The following DIP2C variants were observed in gnomAD, a reference collection of about 807,000 sequenced individuals.
The protein encoded by DIP2C is disco-interacting protein 2 homolog C.
In DIP2C, 33 loss-of-function variants were observed where a neutral mutation model predicts 192.4. The observed-to-expected ratio is 0.17, with a 90% confidence interval of 0.13 to 0.23. The LOEUF (loss-of-function observed/expected upper bound fraction) is 0.23. Among genes scored for constraint, DIP2C ranks in the 10% least tolerant of loss-of-function variants. The probability of loss-of-function intolerance (pLI) is 1.00; values close to 1 mark genes in which losing one functional copy is unlikely to be tolerated. For missense variants in DIP2C, 1,537 were observed against 2,110.1 expected, an observed-to-expected ratio of 0.73 and a Z score of 5.32; for synonymous variants, 979 against 864.1, an observed-to-expected ratio of 1.13 and a Z score of -2.33.
At position 327,207 on chromosome 10, in the gene DIP2C, C is replaced by G. The variant is rs756695306; in HGVS notation, c.3754-31G>C. 62 of 1,602,350 alleles carry G rather than the reference C, an allele frequency of 3.9e-5. 2 individuals carry two copies. The South Asian group carries it at 6.5e-4, about 17-fold the overall frequency. ...GATGATGACAGAGAAACCGAGTCAG[C>G]CCCCACGTGTCGAGCTTGGAGTGAG... On this transcript the variant is annotated intron_variant, in intron 30 of 36. Coordinates refer to ENST00000280886, the MANE Select transcript of DIP2C (RefSeq NM_014974.3).
chr10:537,011 C>T (rs1195238717), intron 1 of DIP2C, among the ~76,000 whole-genome samples: 1 of 152,244 alleles, frequency 6.6e-6, no homozygotes, highest in Non-Finnish European at 1.5e-5. Flanking sequence ...AGTCATGAGG[C>T]TGGCTGTGTC....
At chr10:362,131 T>C (rs115392795) in intron 22 of DIP2C, among the ~76,000 whole-genome samples, 2,235 of 151,156 alleles carry the variant, frequency 0.015, 45 homozygotes, top group African/African-American at 0.051. Flanking sequence ...AAATTAGAAG[T>C]AGGTCAGAAA....
rs74726390 is a variant in DIP2C at position 573,908 on chromosome 10, A to G, written c.86-87378T>C. On this transcript the variant is annotated intron_variant, in intron 1 of 36. Coordinates refer to ENST00000280886, the MANE Select transcript of DIP2C (RefSeq NM_014974.3). ...TCTTCAAGTTCTATAAAGTGGTACC[A>G]TGGACACACCACCACATCACAGACT... 4.6e-3 allele frequency among the ~76,000 whole-genome samples: 700 copies of G among 152,324 alleles called. 10 individuals are homozygous for G. Among genetic ancestry groups the G allele is most frequent in the African/African-American group, 0.015 (637 of 41,558 alleles).
chr10:579,131 G>A (rs1285024716), intron 1 of DIP2C, among the ~76,000 whole-genome samples: 3 of 150,758 alleles, frequency 2.0e-5, no homozygotes, highest in Admixed American at 1.3e-4. Flanking sequence ...ACACTAACAT[G>A]TGTACATGCG....
At chr10:362,116 GA>G (rs1959605870) in intron 22 of DIP2C, among the ~76,000 whole-genome samples, 1 of 151,874 alleles carries the variant, frequency 6.6e-6, no homozygotes. Flanking sequence ...TGCAACATAA[GA>G]AAAAAATTAG....
At chr10:532,776 TGA>T (rs1241431660) in intron 1 of DIP2C, among the ~76,000 whole-genome samples, 11 of 148,312 alleles carry the variant, frequency 7.4e-5, no homozygotes, top group African/African-American at 9.9e-5. Context: ...TATGGGTGTG[TGA>T]GAGAGTATGG....
chr10:551,917 C>T (rs1032046588), intron 1 of DIP2C, among the ~76,000 whole-genome samples: 1 of 152,208 alleles, frequency 6.6e-6, no homozygotes, highest in Admixed American at 6.5e-5. Context: ...CGTGGTGTCA[C>T]ACCCAGGACA....
chr10:405,204 G>A (rs1198742901), intron 9 of DIP2C, among the ~76,000 whole-genome samples: 12 of 152,214 alleles, frequency 7.9e-5, no homozygotes, highest in Admixed American at 7.2e-4. Flanking sequence ...ACGGCCAGAC[G>A]GCGATCAGCC....
At chr10:640,579 G>GGGGACGAGGGTGC (rs1564294799) in intron 1 of DIP2C, among the ~76,000 whole-genome samples, 1 of 152,078 alleles carries the variant, frequency 6.6e-6, no homozygotes, top group Non-Finnish European at 1.5e-5. Context: ...AGACGCGACG[G>GGGGACGAGGGTGC]GGGACGAGGG....
chr10:446,498 A>G (rs1968231872), intron 3 of DIP2C, among the ~76,000 whole-genome samples: 1 of 152,162 alleles, frequency 6.6e-6, no homozygotes, highest in Non-Finnish European at 1.5e-5. Flanking sequence ...ATTTCCTAAA[A>G]TTTTCTAAAT....
chr10:477,273 G>A (rs377351148), intron 2 of DIP2C, among the ~76,000 whole-genome samples: 45 of 74,386 alleles, frequency 6.0e-4, no homozygotes, highest in African/African-American at 2.9e-3. Context: ...AGGTAGAGAA[G>A]GAAGGGAAGG....
chr10:358,022 T>C, intron 22 of DIP2C, 85 bp from the exon 23 acceptor site: 1 of 1,004,534 alleles, frequency 1.0e-6, no homozygotes, highest in Non-Finnish European at 1.5e-6. Context: ...AAGACCTTAC[T>C]CTCGGAAAAC....
At chr10:547,866 C>T (rs573187719) in intron 1 of DIP2C, among the ~76,000 whole-genome samples, 1 of 152,292 alleles carries the variant, frequency 6.6e-6, no homozygotes, top group East Asian at 1.9e-4. Flanking sequence ...CATCCATGCC[C>T]ACCATCCCTG....
intron 8 of DIP2C, 66 bp downstream of exon 8, chr10:413,847 T>C: frequency 6.4e-7 from 1 of 1,562,310 alleles, no homozygotes; most frequent in Middle Eastern, 2.0e-4. Context: ...GACACTGAGT[T>C]TCCTGCGTTC....
intron 1 of DIP2C, among the ~76,000 whole-genome samples, chr10:568,070 G>T (rs1588477011): frequency 1.3e-5 from 2 of 152,314 alleles, no homozygotes; most frequent in African/African-American, 4.8e-5. Flanking sequence ...CTGCACTAAT[G>T]CCACAGCTGC....
intron 1 of DIP2C, among the ~76,000 whole-genome samples, chr10:616,063 TCTC>T (rs910462483): frequency 9.8e-4 from 149 of 152,140 alleles, no homozygotes; most frequent in African/African-American, 3.2e-3. Context: ...CTGGGGCAGA[TCTC>T]CTCCTTGAGT....
Position 305,154 on chromosome 10 carries a change from G to A in DIP2C, c.3986+4877C>T, listed in dbSNP as rs189242384. On this transcript the variant is annotated intron_variant, in intron 32 of 36. Coordinates refer to ENST00000280886, the MANE Select transcript of DIP2C (RefSeq NM_014974.3). The stretch of plus-strand genomic sequence containing the variant: ...AACAGCATATATACACAACACACTT[G>A]CACAAACTCATACTCTCATGCATAT... Among the ~76,000 whole-genome samples the A allele has an allele frequency of 7.2e-5, 11 of 152,128 alleles. No homozygotes were observed. In the East Asian group the frequency reaches 2.1e-3, roughly 29 times the overall value.
intron 2 of DIP2C, among the ~76,000 whole-genome samples, chr10:485,646 G>A (rs1588267670): frequency 6.6e-6 from 1 of 152,208 alleles, no homozygotes; most frequent in African/African-American, 2.4e-5. Context: ...AACAGAATCG[G>A]GGTTTGTGCA....
chr10:391,712 G>GCAAGT (rs1364174842), intron 10 of DIP2C, among the ~76,000 whole-genome samples: 1 of 152,218 alleles, frequency 6.6e-6, no homozygotes, highest in African/African-American at 2.4e-5. Context: ...ATTGTAGTGA[G>GCAAGT]CAAGTCACCG....
Sources: gnomAD v4.1 joint callset for allele counts (sites outside exome capture counted in the v4.1 genomes callset) on GRCh38, gnomAD v4.1.1 for gene constraint, MANE v1.5 for transcripts, NCBI Gene and HGNC (gene_info 2026-07-23, HGNC 2026-07-21) for gene names.